The following CSMD1 variants were observed in gnomAD, a reference collection of about 807,000 sequenced individuals.
CSMD1 encodes the protein CUB and Sushi multiple domains 1.
Under a neutral mutation model 417.5 loss-of-function variants are expected in CSMD1, and 213 were observed. That is an observed-to-expected ratio of 0.51 (90% CI 0.46 to 0.57). CSMD1 has a LOEUF of 0.57. Among genes scored for constraint, CSMD1 ranks in the 20% least tolerant of loss-of-function variants. The pLI, the probability that CSMD1 is intolerant of heterozygous loss-of-function variation, is 0.00. For synonymous variants in CSMD1, 2,862 were observed against 1,736.8 expected, an observed-to-expected ratio of 1.65 and a Z score of -16.11; for missense variants, 6,923 against 4,529.7, an observed-to-expected ratio of 1.53 and a Z score of -15.17.
intron 5 of CSMD1, among the ~76,000 whole-genome samples, chr8:3,775,676 C>T (rs1798854641): frequency 6.6e-6 from 1 of 152,206 alleles, no homozygotes; most frequent in African/African-American, 2.4e-5. Flanking sequence ...GAGCCCAACA[C>T]AGTCACTGAA....
chr8:3,339,072 G>A (rs1807470953), intron 23 of CSMD1, among the ~76,000 whole-genome samples: 1 of 146,444 alleles, frequency 6.8e-6, no homozygotes, highest in Non-Finnish European at 1.5e-5. Flanking sequence ...ACCTATGAGT[G>A]AGAATATGCG....
chr8:3,162,434 C>T (rs941257631), intron 37 of CSMD1, among the ~76,000 whole-genome samples, 157 bp from the exon 38 acceptor site: 2 of 152,098 alleles, frequency 1.3e-5, no homozygotes, highest in African/African-American at 4.8e-5. Flanking sequence ...CTTTGAGTAC[C>T]TTTAAATCAG....
At chr8:3,605,036 C>G (rs995949164) in intron 8 of CSMD1, among the ~76,000 whole-genome samples, 1 of 152,150 alleles carries the variant, frequency 6.6e-6, no homozygotes, top group African/African-American at 2.4e-5. Context: ...TTTGAGGAGT[C>G]ACTGCTGGAG....
intron 1 of CSMD1, among the ~76,000 whole-genome samples, chr8:4,899,341 A>G (rs963523850): frequency 1.2e-4 from 3 of 25,894 alleles, no homozygotes; most frequent in African/African-American, 4.1e-4. Context: ...GCATACACTA[A>G]CAAAAAGTGA....
intron 3 of CSMD1, among the ~76,000 whole-genome samples, chr8:4,217,214 T>C (rs1233574874): frequency 6.6e-6 from 1 of 152,220 alleles, no homozygotes; most frequent in East Asian, 1.9e-4. Context: ...TAGCAACAAT[T>C]ACTCTTCTTG....
chr8:3,316,370 G>A (rs527812041), intron 23 of CSMD1, among the ~76,000 whole-genome samples: 51 of 152,232 alleles, frequency 3.4e-4, no homozygotes, highest in African/African-American at 1.2e-3. Flanking sequence ...GGGCATGGTG[G>A]GAAGAGTAAA....
chr8:3,440,632 C>A (rs1256593492), intron 12 of CSMD1, among the ~76,000 whole-genome samples: 1 of 152,058 alleles, frequency 6.6e-6, no homozygotes, highest in South Asian at 2.1e-4. Flanking sequence ...ATCTGTATGC[C>A]CTGTTTCTCT....
chr8:4,437,358 G>C (rs7838256), intron 2 of CSMD1, among the ~76,000 whole-genome samples: 1 of 152,094 alleles, frequency 6.6e-6, no homozygotes, highest in African/African-American at 2.4e-5. Flanking sequence ...TTAAGGTATT[G>C]CTAACATCCT....
intron 3 of CSMD1, among the ~76,000 whole-genome samples, chr8:4,152,275 T>G (rs1462069559): frequency 6.6e-6 from 1 of 152,196 alleles, no homozygotes; most frequent in Non-Finnish European, 1.5e-5. Flanking sequence ...AATATAGAAA[T>G]ACGATGGTTA....
chr8:4,468,850 T>C (rs1435633569), intron 2 of CSMD1, among the ~76,000 whole-genome samples: 1 of 152,186 alleles, frequency 6.6e-6, no homozygotes, highest in Non-Finnish European at 1.5e-5. Context: ...GAATTATCAA[T>C]TAAGCTAATT....
At chr8:3,872,093 G>C (rs1030300771) in intron 5 of CSMD1, among the ~76,000 whole-genome samples, 3 of 151,904 alleles carry the variant, frequency 2.0e-5, no homozygotes, top group Non-Finnish European at 4.4e-5. Flanking sequence ...ATTCCCTTTT[G>C]GTTTTCTCAA....
rs375962343 is a variant in CSMD1, at chr8:3,255,359, A to C, written c.4154-25128T>G. On this transcript the variant is annotated intron_variant, in intron 26 of 69. Transcript: ENST00000635120. ...GCAGTCTGTCCATTCTCAGATCTCA[A>C]GCTGTGTGCTGGGAGAACCACTACT... Among the ~76,000 whole-genome samples, 3 of 152,218 alleles carry C rather than the reference A, an allele frequency of 2.0e-5. No individual in the cohort carries two copies. In the South Asian group the frequency reaches 6.2e-4, roughly 32 times the overall value.
chr8:3,527,422 T>C (rs1005544804), intron 10 of CSMD1, among the ~76,000 whole-genome samples: 1 of 152,180 alleles, frequency 6.6e-6, no homozygotes, highest in African/African-American at 2.4e-5. Context: ...GGATGGGAAC[T>C]AGATTAGAGG....
intron 51 of CSMD1, 120 bp from the exon 52 acceptor site, chr8:3,018,770 A>G (rs778358747): frequency 1.1e-6 from 1 of 889,246 alleles, no homozygotes; most frequent in Non-Finnish European, 1.7e-6. Context: ...CTTAATTTTC[A>G]CTAAGAACAT....
At chr8:4,700,342 T>G (rs1251125612) in intron 1 of CSMD1, among the ~76,000 whole-genome samples, 1 of 151,948 alleles carries the variant, frequency 6.6e-6, no homozygotes, top group African/African-American at 2.4e-5. Context: ...CTATTATTTA[T>G]AATACATATT....
intron 3 of CSMD1, among the ~76,000 whole-genome samples, chr8:4,166,574 G>C (rs35445567): frequency 0.38 from 58,287 of 151,944 alleles, 11,474 homozygotes; most frequent in East Asian, 0.53. Context: ...AAAGGCATGA[G>C]AATGATATAA....
intron 3 of CSMD1, among the ~76,000 whole-genome samples, chr8:4,254,264 G>T (rs148616653): frequency 1.3e-5 from 2 of 151,994 alleles, no homozygotes; most frequent in East Asian, 3.9e-4. Flanking sequence ...TAAAATCAGC[G>T]AACACCTGTG....
intron 1 of CSMD1, among the ~76,000 whole-genome samples, chr8:4,890,437 G>A (rs540313993): frequency 5.6e-4 from 67 of 119,200 alleles, no homozygotes; most frequent in Non-Finnish European, 1.0e-3. Flanking sequence ...ACACCCTCCC[G>A]CAGGACAGGT....
chr8:3,406,366 A>G (rs1812343400), intron 14 of CSMD1, 145 bp from the exon 15 acceptor site: 1 of 590,298 alleles, frequency 1.7e-6, no homozygotes, highest in Admixed American at 3.5e-5. Flanking sequence ...ATTCATAGAT[A>G]GATAATACAT....
Sources: allele counts gnomAD v4.1 joint callset (sites outside exome capture counted in the v4.1 genomes callset), GRCh38; gene constraint gnomAD v4.1.1; transcripts MANE v1.5; gene names NCBI Gene and HGNC (gene_info 2026-07-23, HGNC 2026-07-21).